DPP6: variants seen among roughly 807,000 people sequenced by gnomAD.
DPP6 encodes dipeptidyl peptidase like 6.
A neutral mutation model predicts 122.6 loss-of-function variants in DPP6; 69 were observed. That is an observed-to-expected ratio of 0.56 (90% confidence interval 0.46 to 0.69). The LOEUF is 0.69. Ranked by LOEUF, DPP6 falls within the 30% of genes least tolerant of loss-of-function variation. The pLI is 0.00. For synonymous variants in DPP6, 418 were observed against 433.1 expected, an observed-to-expected ratio of 0.97 and a Z score of 0.43; for missense variants, 928 against 1,116.9, an observed-to-expected ratio of 0.83 and a Z score of 2.41.
rs1833625596 is a variant in DPP6, at chr7:154,607,434, G to A, written c.628-30387G>A. Among the ~76,000 whole-genome samples, 5 of 115,006 alleles carry A rather than the reference G, an allele frequency of 4.3e-5. 2 individuals carry two copies. Among genetic ancestry groups the A allele is most frequent in the Admixed American group, 2.0e-4 (2 of 10,068 alleles). The allele number at this position is 115,006 out of a possible 152,430, so 75.4% of individuals were successfully genotyped here. On this transcript the variant is annotated intron_variant, in intron 5 of 25. Coordinates refer to ENST00000377770, the MANE Select transcript of DPP6 (RefSeq NM_130797.4). Reference sequence around the variant, plus strand: ...AAATTAGCTGGGCATGGCGGCGGGCGCCTGTAGTCGCAGCTACTCAGGAGG... The same window carrying A: ...AAATTAGCTGGGCATGGCGGCGGGCACCTGTAGTCGCAGCTACTCAGGAGG...
chr7:154,144,401 A>G (rs1795991364), intron 1 of DPP6, among the ~76,000 whole-genome samples: 1 of 152,036 alleles, frequency 6.6e-6, no homozygotes, highest in East Asian at 1.9e-4. Flanking sequence ...CGTTTTATTT[A>G]GCCAAATTTA....
intron 5 of DPP6, among the ~76,000 whole-genome samples, chr7:154,610,721 G>C (rs959737668): frequency 4.9e-5 from 2 of 40,784 alleles, no homozygotes; most frequent in African/African-American, 1.5e-4. Context: ...GTGTGTGTGT[G>C]TGTGTGTGTG....
the DPP6 span, among the ~76,000 whole-genome samples, chr7:153,857,383 G>C: frequency 9.0e-6 from 1 of 111,350 alleles, no homozygotes; most frequent in East Asian, 2.5e-4. Context: ...TAAAATTGCT[G>C]GTGCTAGTTG....
chr7:154,641,776 C>T (rs1400990988), intron 6 of DPP6, among the ~76,000 whole-genome samples: 1 of 152,046 alleles, frequency 6.6e-6, no homozygotes, highest in Non-Finnish European at 1.5e-5. Context: ...AAAATTGGTC[C>T]TATCACTTTA....
At chr7:154,695,660 G>C (rs1840175422) in intron 7 of DPP6, among the ~76,000 whole-genome samples, 1 of 152,156 alleles carries the variant, frequency 6.6e-6, no homozygotes, top group South Asian at 2.1e-4. Flanking sequence ...CTGCAGAGCA[G>C]GCAAGGTCAT....
chr7:153,834,990 C>T, the DPP6 span, among the ~76,000 whole-genome samples: 3 of 152,126 alleles, frequency 2.0e-5, no homozygotes, highest in Non-Finnish European at 4.4e-5. Flanking sequence ...GAGAAGTAAG[C>T]AAAATTGACA....
intron 3 of DPP6, among the ~76,000 whole-genome samples, chr7:154,517,488 G>A (rs1826615952): frequency 6.6e-6 from 1 of 152,076 alleles, no homozygotes; most frequent in Admixed American, 6.6e-5. Context: ...GTGAACTCAT[G>A]GTTCATAAAG....
chr7:154,562,241 T>TACATC (rs1441346505), intron 4 of DPP6, among the ~76,000 whole-genome samples: 1 of 152,154 alleles, frequency 6.6e-6, no homozygotes, highest in African/African-American at 2.4e-5. Flanking sequence ...AAAGGGGTAA[T>TACATC]ACATCACGGT....
chr7:154,387,394 A>G (rs1045799045), intron 1 of DPP6, among the ~76,000 whole-genome samples: 1 of 152,180 alleles, frequency 6.6e-6, no homozygotes, highest in African/African-American at 2.4e-5. Flanking sequence ...ATGAGATGCT[A>G]GGAGACTATA....
chr7:154,339,776 A>G (rs1397524091), intron 1 of DPP6, among the ~76,000 whole-genome samples: 1 of 152,184 alleles, frequency 6.6e-6, no homozygotes, highest in African/African-American at 2.4e-5. Flanking sequence ...TTATGTGAGC[A>G]GTAGTTTAAT....
chr7:154,212,136 T>A (rs951739646), intron 1 of DPP6, among the ~76,000 whole-genome samples: 3 of 152,080 alleles, frequency 2.0e-5, no homozygotes, highest in African/African-American at 7.2e-5. Flanking sequence ...GAAACTGCCA[T>A]CACTCCCATG....
chr7:153,851,422 TTC>T, the DPP6 span, among the ~76,000 whole-genome samples: 2 of 152,214 alleles, frequency 1.3e-5, no homozygotes, highest in Non-Finnish European at 2.9e-5. Flanking sequence ...AGGTTATTTT[TTC>T]TTTTTGAATT....
At chr7:154,056,231 A>G (rs1800812475) in intron 1 of DPP6, among the ~76,000 whole-genome samples, 1 of 152,038 alleles carries the variant, frequency 6.6e-6, no homozygotes, top group Non-Finnish European at 1.5e-5. Flanking sequence ...ATAAAACCAG[A>G]GGGTCTTCTC....
chr7:153,956,203 G>C lies in DPP6; in HGVS notation c.51+68469G>C, dbSNP rs368285507. On this transcript the variant is annotated intron_variant, in intron 1 of 25. Transcript: ENST00000404039. The stretch of plus-strand genomic sequence containing the variant: ...GGAAGCAACACTTAGATGTGGGCAG[G>C]TGGGGGCTGGTCCAGTCCATGCTGC... Among the ~76,000 whole-genome samples the C allele has an allele frequency of 2.6e-5, 4 of 152,300 alleles. No homozygotes were observed. The East Asian group carries it at 7.7e-4, about 29-fold the overall frequency.
chr7:153,759,785 A>T, the DPP6 span, among the ~76,000 whole-genome samples: 1 of 152,254 alleles, frequency 6.6e-6, no homozygotes, highest in African/African-American at 2.4e-5. Context: ...AAGAAAACAT[A>T]AAATACCTTT....
At position 154,450,431 on chromosome 7, in the gene DPP6, C is replaced by T. The variant is rs1820259621; in HGVS notation, c.358+4103C>T. On this transcript the variant is annotated intron_variant, in intron 2 of 25. Transcript: ENST00000377770. ...GAACTTTATGATATGTGAATTTCATCTCTATTAAGCTATGAGTTTGATAAA... is the reference window on the plus strand; with the variant it reads ...GAACTTTATGATATGTGAATTTCATTTCTATTAAGCTATGAGTTTGATAAA... Among the ~76,000 whole-genome samples, 3 of 152,284 alleles carry T rather than the reference C, an allele frequency of 2.0e-5. No homozygotes were observed. In the South Asian group the frequency reaches 6.2e-4, roughly 32 times the overall value.
intron 8 of DPP6, among the ~76,000 whole-genome samples, chr7:154,753,820 A>T (rs1483074774): frequency 6.6e-6 from 1 of 152,158 alleles, no homozygotes; most frequent in Non-Finnish European, 1.5e-5. Context: ...GCATGCGGAC[A>T]TCTGTGACTG....
At chr7:154,050,441 G>T (rs2628696), upstream of DPP6, among the ~76,000 whole-genome samples, 1 of 152,066 alleles carries the variant, frequency 6.6e-6, no homozygotes, top group Admixed American at 6.5e-5. Context: ...CATAGATAGC[G>T]TATGTATATT....
chr7:153,940,020 C>G (rs1801625338), intron 1 of DPP6, among the ~76,000 whole-genome samples: 1 of 152,148 alleles, frequency 6.6e-6, no homozygotes, highest in Non-Finnish European at 1.5e-5. Context: ...GCTGGGCCAG[C>G]CAGGACAAGA....
Sources: gnomAD v4.1 joint callset for allele counts (sites outside exome capture counted in the v4.1 genomes callset) on GRCh38, gnomAD v4.1.1 for gene constraint, MANE v1.5 for transcripts, NCBI Gene and HGNC (gene_info 2026-07-23, HGNC 2026-07-21) for gene names.